ATP6V0A2: variants seen among roughly 807,000 people sequenced by gnomAD.
The protein encoded by ATP6V0A2 is ATPase H+ transporting V0 subunit a2, also known as V-type proton ATPase 116 kDa subunit a 2.
A neutral mutation model predicts 104.4 loss-of-function variants in ATP6V0A2; 58 were observed. The ratio of observed to expected loss-of-function variants is 0.56; its 90% CI spans 0.45 to 0.69. ATP6V0A2 has a LOEUF of 0.69. Ranked by LOEUF, ATP6V0A2 falls within the 30% of genes least tolerant of loss-of-function variation. The probability of loss-of-function intolerance (pLI) is 0.00; values close to 1 mark genes in which losing one functional copy is unlikely to be tolerated. For missense variants in ATP6V0A2, 938 were observed against 1,062.9 expected, an observed-to-expected ratio of 0.88 and a Z score of 1.63; for synonymous variants, 376 against 397.9, an observed-to-expected ratio of 0.95 and a Z score of 0.65.
At chr12:123,725,804 A>G (rs986970218) in intron 4 of ATP6V0A2, among the ~76,000 whole-genome samples, 3 of 151,810 alleles carry the variant, frequency 2.0e-5, no homozygotes, top group African/African-American at 7.2e-5. Flanking sequence ...AAAAAAAAAA[A>G]AAAAGAAAAA....
intron 6 of ATP6V0A2, among the ~76,000 whole-genome samples, chr12:123,730,055 T>TTC (rs1555296946): frequency 0.033 from 3,394 of 103,400 alleles, 245 homozygotes; most frequent in African/African-American, 0.086. Flanking sequence ...TTTTTTTTTT[T>TTC]TTTTTTTTTT....
At chr12:123,727,671 C>T in intron 5 of ATP6V0A2, 112 bp from the exon 6 acceptor site, 1 of 1,308,422 alleles carries the variant, frequency 7.6e-7, no homozygotes, top group Non-Finnish European at 1.1e-6. Context: ...AGTTGGAGGG[C>T]TCTCAGGATG....
At chr12:123,748,520 T>C in intron 14 of ATP6V0A2, 55 bp from the exon 15 acceptor site, 1 of 1,366,848 alleles carries the variant, frequency 7.3e-7, no homozygotes, top group Non-Finnish European at 1.0e-6. Context: ...TAATTTACTC[T>C]TTTTAACTTA....
Position 123,744,993 on chromosome 12 carries a change from C to A in ATP6V0A2, c.1605+21C>A. On this transcript the variant is annotated intron_variant, in intron 13 of 19. Transcript: ENST00000330342. This position sits in a 1 kb window ranked among gnomAD's most constrained non-coding sequence, Gnocchi z 5.4. Reference sequence around the variant, plus strand: ...ATCCTGTGAGTGCACCACGCTCTGTCGTTGTCTCTGGATGCTCTGTGGTGC... The same window carrying A: ...ATCCTGTGAGTGCACCACGCTCTGTAGTTGTCTCTGGATGCTCTGTGGTGC... 1 of 1,610,210 alleles carries A rather than the reference C, an allele frequency of 6.2e-7. No individual in the cohort carries two copies. The highest frequency in any genetic ancestry group is 1.1e-5 in the South Asian group (1 of 90,970).
intron 14 of ATP6V0A2, among the ~76,000 whole-genome samples, chr12:123,748,016 G>A (rs1005211824): frequency 9.2e-5 from 14 of 152,120 alleles, no homozygotes; most frequent in African/African-American, 3.1e-4. Context: ...TTCAAGTGAG[G>A]GAGACATGTG....
chr12:123,735,721 T>C, intron 8 of ATP6V0A2, 97 bp downstream of exon 8: 1 of 1,042,762 alleles, frequency 9.6e-7, no homozygotes, highest in South Asian at 1.3e-5. Context: ...ATATTGGTCG[T>C]AGACAAATCA....
chr12:123,725,750 C>T (rs1372004183), intron 4 of ATP6V0A2, among the ~76,000 whole-genome samples: 1 of 150,756 alleles, frequency 6.6e-6, no homozygotes, highest in Non-Finnish European at 1.5e-5. Context: ...TGCGCCACTG[C>T]ACTCCAGCCT....
chr12:123,751,547 G>A (rs1956714371), intron 16 of ATP6V0A2, among the ~76,000 whole-genome samples: 2 of 152,022 alleles, frequency 1.3e-5, no homozygotes, highest in South Asian at 2.1e-4. Flanking sequence ...CCAGGTACTC[G>A]GGAGGCTGAG....
chr12:123,753,708 G>A lies in ATP6V0A2; in HGVS notation c.2176-712G>A, dbSNP rs937004515. 6.6e-5 allele frequency among the ~76,000 whole-genome samples: 10 copies of A among 152,256 alleles called. No homozygotes were observed. The South Asian group carries it at 1.0e-3, about 16-fold the overall frequency. ...CTGGACAGGGAAGTAGCGGCTCCCC[G>A]CAAAGAACAGAGGTGCAGTCCCAGG... On this transcript the variant is annotated intron_variant, in intron 17 of 19. Coordinates refer to ENST00000330342, the MANE Select transcript of ATP6V0A2 (RefSeq NM_012463.4).
intron 7 of ATP6V0A2, among the ~76,000 whole-genome samples, chr12:123,734,367 G>T (rs536337445): frequency 6.7e-4 from 102 of 152,266 alleles, no homozygotes; most frequent in Admixed American, 1.5e-3. Flanking sequence ...CATCTCTTCT[G>T]TCCTGGGTAC....
chr12:123,715,449 A>AT (rs1347147801), intron 1 of ATP6V0A2, among the ~76,000 whole-genome samples: 1 of 152,208 alleles, frequency 6.6e-6, no homozygotes, highest in African/African-American at 2.4e-5. Flanking sequence ...TTAAAAAAAA[A>AT]GTCCCCAAAA....
chr12:123,745,319 T>G (rs1956650740), intron 13 of ATP6V0A2, among the ~76,000 whole-genome samples: 1 of 152,196 alleles, frequency 6.6e-6, no homozygotes, highest in African/African-American at 2.4e-5. Context: ...TAAAAACCCT[T>G]GATCTCGAAA....
At chr12:123,754,585 C>A in intron 18 of ATP6V0A2, 48 bp downstream of exon 18, 1 of 1,319,718 alleles carries the variant, frequency 7.6e-7, no homozygotes, top group Non-Finnish European at 1.1e-6. Context: ...GTAGTGCCAG[C>A]AGACTCAGGG....
At position 123,748,803 on chromosome 12, in the gene ATP6V0A2, C is replaced by T. The variant is rs1211707199; in HGVS notation, c.1935+18C>T. ...CAGGGCAGGTGAGTCATCTTCCCAC[C>T]CTCATGAACTTAACGGAAGTATTCC... On this transcript the variant is annotated intron_variant, in intron 15 of 19. Coordinates refer to ENST00000330342, the MANE Select transcript of ATP6V0A2 (RefSeq NM_012463.4). 1 of 1,594,666 alleles carries T rather than the reference C, an allele frequency of 6.3e-7. No homozygotes were observed. The highest frequency in any genetic ancestry group is 8.6e-7 in the Non-Finnish European group (1 of 1,162,632).
intron 9 of ATP6V0A2, 137 bp from the exon 10 acceptor site, chr12:123,743,648 C>T (rs1261729062): frequency 2.3e-5 from 21 of 924,686 alleles, no homozygotes; most frequent in African/African-American, 9.5e-5. Context: ...AGTGAAACTC[C>T]GTCTCAAAAA....
intron 6 of ATP6V0A2, among the ~76,000 whole-genome samples, chr12:123,729,322 G>GGTTTTTTTTTTTTTT (rs1956478132): frequency 8.8e-6 from 1 of 113,890 alleles, no homozygotes; most frequent in East Asian, 3.4e-4. Flanking sequence ...CAAGGAGGCT[G>GGTTTTTTTTTTTTTT]TTTTTTTTTT....
intron 2 of ATP6V0A2, 26 bp downstream of exon 2, chr12:123,718,727 C>G (rs1483979347): frequency 2.0e-6 from 3 of 1,522,520 alleles, no homozygotes; most frequent in Non-Finnish European, 2.7e-6. Flanking sequence ...GATTTAACAA[C>G]TTAAATAATT....
intron 18 of ATP6V0A2, among the ~76,000 whole-genome samples, chr12:123,756,099 A>AC (rs147668278): frequency 2.7e-4 from 37 of 138,374 alleles, no homozygotes; most frequent in African/African-American, 9.1e-4. Flanking sequence ...AAAAAAAAAA[A>AC]CCGAAAAACA....
intron 1 of ATP6V0A2, among the ~76,000 whole-genome samples, chr12:123,717,228 T>G (rs955862035): frequency 1.3e-5 from 2 of 148,560 alleles, no homozygotes; most frequent in East Asian, 2.0e-4. Context: ...GGCAGGAGAA[T>G]CGCTTGAACC....
Sources: allele counts gnomAD v4.1 joint callset (sites outside exome capture counted in the v4.1 genomes callset), GRCh38; gene constraint gnomAD v4.1.1; non-coding constraint Gnocchi (gnomAD v3.1); transcripts MANE v1.5; gene names NCBI Gene and HGNC (gene_info 2026-07-23, HGNC 2026-07-21).